The following WDR33 variants were observed in gnomAD, a reference collection of about 807,000 sequenced individuals.
The protein encoded by WDR33 is WD repeat domain 33.
In WDR33, 47 loss-of-function variants were observed where a neutral mutation model predicts 164.9. The observed-to-expected ratio is 0.29, with a 90% CI of 0.23 to 0.36. WDR33 has a LOEUF of 0.36. Ranked by LOEUF, WDR33 falls within the 10% of genes least tolerant of loss-of-function variation. WDR33 has a pLI of 1.00. For synonymous variants in WDR33, 505 were observed against 589.0 expected (o/e 0.86, Z 2.06); for missense variants, 1,137 against 1,754.1 (o/e 0.65, Z 6.28).
At chr2:127,773,469 A>T (rs1474843982) in intron 1 of WDR33, among the ~76,000 whole-genome samples, 1 of 152,204 alleles carries the variant, frequency 6.6e-6, no homozygotes, top group African/African-American at 2.4e-5. Flanking sequence ...TCGCACACCA[A>T]AAATAAATAG....
chr2:127,790,582 T>C (rs1688808766), intron 1 of WDR33, among the ~76,000 whole-genome samples: 1 of 152,220 alleles, frequency 6.6e-6, no homozygotes, highest in Admixed American at 6.5e-5. Flanking sequence ...TTTTTAACTA[T>C]AAATTCAATT....
intron 1 of WDR33, among the ~76,000 whole-genome samples, chr2:127,797,353 G>A (rs1377097431): frequency 3.3e-5 from 5 of 152,108 alleles, no homozygotes; most frequent in Admixed American, 6.6e-5. Flanking sequence ...TTAGCTGGGC[G>A]TGGTGGCGCA....
intron 7 of WDR33, among the ~76,000 whole-genome samples, chr2:127,752,149 G>C (rs554522790): frequency 5.3e-5 from 8 of 152,308 alleles, no homozygotes; most frequent in African/African-American, 1.9e-4. Flanking sequence ...ATGGCAAAAA[G>C]AAATAACATT....
Position 127,709,010 on chromosome 2 carries a change from C to T in WDR33, c.3566-118G>A, listed in dbSNP as rs112844513. On this transcript the variant is annotated intron_variant, in intron 20 of 21. Transcript: ENST00000322313. The surrounding 1 kb of genome is among the most constrained non-coding windows in gnomAD (Gnocchi z 5.0). ...CCACCGTTCACTCATGCTGAATGCCCGCCAGAGGCCAAAGGGTAAGCCACC... is the reference window on the plus strand; with the variant it reads ...CCACCGTTCACTCATGCTGAATGCCTGCCAGAGGCCAAAGGGTAAGCCACC... 2.7e-5 allele frequency: 30 copies of T among 1,124,144 alleles called. 1 individual carries two copies. Among genetic ancestry groups the T allele is most frequent in the African/African-American group, 2.0e-4 (13 of 63,608 alleles). 69.6% of individuals were successfully genotyped at this position (1,124,144 alleles called of 1,614,324 possible).
At chr2:127,789,966 G>C (rs1420139551) in intron 1 of WDR33, among the ~76,000 whole-genome samples, 3 of 152,118 alleles carry the variant, frequency 2.0e-5, no homozygotes, top group African/African-American at 7.2e-5. Flanking sequence ...CTCCAGAATA[G>C]CTCGGACTAC....
At position 127,711,751 on chromosome 2, in the gene WDR33, G is replaced by GATATATATATATATATATAT. The variant is rs754454193; in HGVS notation, c.3308+1812_3308+1831dup. On this transcript the variant is annotated intron_variant, in intron 18 of 21. Transcript: ENST00000322313. ...CAACCCTAACTCAACCACATATACA[G>GATATATATATATATATATAT]ATATATATATATATATATATATATA... Among the ~76,000 whole-genome samples, 178 of 71,534 alleles carry GATATATATATATATATATAT rather than the reference G, an allele frequency of 2.5e-3. 5 individuals carry two copies. The highest frequency in any genetic ancestry group is 9.3e-3 in the Middle Eastern group (1 of 108). The allele number at this position is 71,534 out of a possible 152,430, so 46.9% of individuals were successfully genotyped here. A position where few individuals can be genotyped will look rare whatever the true frequency, so the allele number is the denominator to read the frequency against.
In WDR33 at chr2:127,717,290, TATGAA is replaced by T. The variant is rs1367069580; in HGVS notation, c.2761-32_2761-28del. On this transcript the variant is annotated intron_variant, in intron 16 of 21. Coordinates refer to ENST00000322313, the MANE Select transcript of WDR33 (RefSeq NM_018383.5). This position sits in a 1 kb window ranked among gnomAD's most constrained non-coding sequence, Gnocchi z 5.6. The stretch of plus-strand genomic sequence containing the variant: ...TGAAAATATGTTTTTAAAGTAAGGG[TATGAA>T]ATCACAGGCTTGAGCTACATAAATA... 1 of 1,526,906 alleles carries T rather than the reference TATGAA, an allele frequency of 6.5e-7. No homozygotes were observed. Among genetic ancestry groups the T allele is most frequent in the East Asian group, 2.4e-5 (1 of 41,796 alleles). 94.6% of individuals were successfully genotyped at this position (1,526,906 alleles called of 1,614,324 possible). A position where few individuals can be genotyped will look rare whatever the true frequency, so the allele number is the denominator to read the frequency against.
At chr2:127,730,124 C>A (rs1573894373) in intron 7 of WDR33, among the ~76,000 whole-genome samples, 1 of 152,088 alleles carries the variant, frequency 6.6e-6, no homozygotes, top group Non-Finnish European at 1.5e-5. Context: ...AACTTTGAAA[C>A]ACGTTAATGA....
intron 1 of WDR33, among the ~76,000 whole-genome samples, chr2:127,771,485 C>G (rs905154496): frequency 3.3e-5 from 5 of 152,140 alleles, no homozygotes; most frequent in Non-Finnish European, 7.4e-5. Context: ...TTTTGTGGTG[C>G]ATGACTATAT....
intron 1 of WDR33, among the ~76,000 whole-genome samples, chr2:127,781,243 A>G (rs549506227): frequency 1.3e-5 from 2 of 152,336 alleles, no homozygotes; most frequent in East Asian, 1.9e-4. Context: ...AAGAGATTGC[A>G]TATTGTACGC....
At chr2:127,798,220 T>C (rs775443455) in intron 1 of WDR33, among the ~76,000 whole-genome samples, 17 of 150,150 alleles carry the variant, frequency 1.1e-4, no homozygotes, top group Non-Finnish European at 1.5e-4. Context: ...ATACAAAATT[T>C]AGCCGGGCAT....
chr2:127,743,699 T>C (rs950294187), intron 7 of WDR33, among the ~76,000 whole-genome samples: 5 of 152,140 alleles, frequency 3.3e-5, no homozygotes, highest in East Asian at 1.9e-4. Context: ...CCAAGGAATA[T>C]TGGCTAAAGT....
chr2:127,702,183 C>G lies in WDR33; in HGVS notation c.*4140G>C. ...CAAGGTGCTGCCCGTGTGAGGACCTCGCGCCCTCGCCGCTGGGGAAGTACG... is the reference window on the plus strand; with the variant it reads ...CAAGGTGCTGCCCGTGTGAGGACCTGGCGCCCTCGCCGCTGGGGAAGTACG... On this transcript the variant is annotated 3_prime_UTR_variant, in exon 22 of 22. Coordinates refer to ENST00000322313, the MANE Select transcript of WDR33 (RefSeq NM_018383.5). The G allele has an allele frequency of 8.2e-7, 1 of 1,213,496 alleles. No individual in the cohort carries two copies. Among genetic ancestry groups the G allele is most frequent in the Non-Finnish European group, 1.0e-6 (1 of 975,150 alleles). 75.2% of individuals were successfully genotyped at this position (1,213,496 alleles called of 1,614,324 possible).
At chr2:127,760,604 T>A (rs57498556) in intron 7 of WDR33, among the ~76,000 whole-genome samples, 11,557 of 152,188 alleles carry the variant, frequency 0.076, 458 homozygotes, top group Non-Finnish European at 0.092. Context: ...TTTGGAAAAG[T>A]GAGAAATGAC....
rs1370423964 is a variant in WDR33 at position 127,703,861 on chromosome 2, T to A, written c.*2462A>T. ...TTTCTCAGCTGGTGGCTCACACCTG[T>A]AATCCCAGCATTTTGGGAGGCCAAG... is the stretch of plus-strand genomic sequence containing the variant. On this transcript the variant is annotated 3_prime_UTR_variant, in exon 22 of 22. Coordinates refer to ENST00000322313, the MANE Select transcript of WDR33 (RefSeq NM_018383.5). 1 of 166,660 alleles carries A rather than the reference T, an allele frequency of 6.0e-6. No individual in the cohort carries two copies. Among genetic ancestry groups the A allele is most frequent in the East Asian group, 1.9e-4 (1 of 5,202 alleles). The allele number at this position is 166,660 out of a possible 1,614,324, so 10.3% of individuals were successfully genotyped here. A position where few individuals can be genotyped will look rare whatever the true frequency, so the allele number is the denominator to read the frequency against.
intron 7 of WDR33, among the ~76,000 whole-genome samples, chr2:127,755,202 A>G (rs556895345): frequency 6.6e-6 from 1 of 152,342 alleles, no homozygotes; most frequent in Admixed American, 6.5e-5. Flanking sequence ...TAACATCAAA[A>G]TATCTTCTCA....
At chr2:127,786,070 G>A (rs769935703) in intron 1 of WDR33, among the ~76,000 whole-genome samples, 1 of 152,146 alleles carries the variant, frequency 6.6e-6, no homozygotes, top group Non-Finnish European at 1.5e-5. Context: ...GTCTCCCTCT[G>A]TCACCTAGCC....
chr2:127,763,364 T>C lies in WDR33; in HGVS notation c.627-205A>G. On this transcript the variant is annotated intron_variant, in intron 6 of 21. Coordinates refer to ENST00000322313, the MANE Select transcript of WDR33 (RefSeq NM_018383.5). This position sits in a 1 kb window ranked among gnomAD's most constrained non-coding sequence, Gnocchi z 4.5. ...ACTTCAACAGAGCAGTTGTTTGAGTTTTCAATCATCAGTATTCTGAGAACT... is the reference window on the plus strand; with the variant it reads ...ACTTCAACAGAGCAGTTGTTTGAGTCTTCAATCATCAGTATTCTGAGAACT... 1.4e-6 allele frequency: 2 copies of C among 1,394,770 alleles called. No homozygotes were observed. The highest frequency in any genetic ancestry group is 1.9e-6 in the Non-Finnish European group (2 of 1,074,548). 86.4% of individuals were successfully genotyped at this position (1,394,770 alleles called of 1,614,324 possible).
intron 1 of WDR33, among the ~76,000 whole-genome samples, chr2:127,786,795 G>T (rs559353425): frequency 2.0e-5 from 3 of 149,776 alleles, no homozygotes; most frequent in Non-Finnish European, 4.4e-5. Flanking sequence ...TTTCTAAATA[G>T]ACATATATCA....
Sources: allele counts gnomAD v4.1 joint callset (sites outside exome capture counted in the v4.1 genomes callset), GRCh38; gene constraint gnomAD v4.1.1; non-coding constraint Gnocchi (gnomAD v3.1); transcripts MANE v1.5; gene names NCBI Gene and HGNC (gene_info 2026-07-23, HGNC 2026-07-21).